Variants in GRIA1 observed in about 807,000 individuals in gnomAD.
The protein encoded by GRIA1 is glutamate ionotropic receptor AMPA type subunit 1.
Under a neutral mutation model 99.2 loss-of-function variants are expected in GRIA1, and 31 were observed. The ratio of observed to expected loss-of-function variants is 0.31; its 90% CI spans 0.23 to 0.42. The LOEUF is 0.42. GRIA1 is among the 10% of genes least tolerant of loss of function. The pLI is 1.00. For missense variants in GRIA1, 782 were observed against 1,157.5 expected (o/e 0.68, Z 4.71); for synonymous variants, 438 against 432.4 (o/e 1.01, Z -0.16).
chr5:153,632,114 A>G (rs1386304893), intron 2 of GRIA1, among the ~76,000 whole-genome samples: 6 of 152,184 alleles, frequency 3.9e-5, no homozygotes, highest in Non-Finnish European at 1.5e-5. Flanking sequence ...TTCCATTTTC[A>G]AAAGAGCTTC....
At chr5:153,632,064 G>A (rs373935015) in intron 2 of GRIA1, among the ~76,000 whole-genome samples, 211 of 152,338 alleles carry the variant, frequency 1.4e-3, no homozygotes, top group African/African-American at 5.0e-3. Context: ...TGATGAGAAA[G>A]CATGAGGGGC....
chr5:153,508,010 A>G (rs1182405538), intron 2 of GRIA1, among the ~76,000 whole-genome samples: 2 of 152,226 alleles, frequency 1.3e-5, no homozygotes, highest in Admixed American at 6.5e-5. Flanking sequence ...GAGATACCGC[A>G]GAAAACAAAA....
intron 2 of GRIA1, among the ~76,000 whole-genome samples, chr5:153,506,094 T>C (rs1208422638): frequency 6.6e-6 from 1 of 152,182 alleles, no homozygotes; most frequent in East Asian, 1.9e-4. Context: ...TTAGGGCAGA[T>C]ACTAGCTTCT....
At chr5:153,579,504 G>C (rs1762862484) in intron 2 of GRIA1, among the ~76,000 whole-genome samples, 1 of 152,166 alleles carries the variant, frequency 6.6e-6, no homozygotes, top group Non-Finnish European at 1.5e-5. Flanking sequence ...ATGGGAGCTT[G>C]TCCTCATTAG....
At chr5:153,579,366 G>A (rs1762848527) in intron 2 of GRIA1, among the ~76,000 whole-genome samples, 1 of 152,204 alleles carries the variant, frequency 6.6e-6, no homozygotes, top group Non-Finnish European at 1.5e-5. Context: ...ACAACAAGCA[G>A]ACTCAAGTGT....
intron 13 of GRIA1, among the ~76,000 whole-genome samples, chr5:153,787,250 T>C (rs893456108): frequency 1.3e-5 from 2 of 152,184 alleles, no homozygotes; most frequent in African/African-American, 4.8e-5. Context: ...ACCAAGTCTT[T>C]CCTCCCCAAG....
At chr5:153,703,230 C>T (rs1758657085) in intron 10 of GRIA1, among the ~76,000 whole-genome samples, 1 of 152,190 alleles carries the variant, frequency 6.6e-6, no homozygotes, top group Non-Finnish European at 1.5e-5. Flanking sequence ...CCTCTTGATG[C>T]TTAGGAAGAT....
intron 2 of GRIA1, among the ~76,000 whole-genome samples, chr5:153,497,983 C>G (rs139934649): frequency 6.6e-6 from 1 of 152,080 alleles, no homozygotes; most frequent in Non-Finnish European, 1.5e-5. Flanking sequence ...TGAGCCTCAA[C>G]GATAAATAGG....
chr5:153,626,979 G>A (rs1278147564), intron 2 of GRIA1, among the ~76,000 whole-genome samples: 4 of 152,068 alleles, frequency 2.6e-5, no homozygotes, highest in East Asian at 3.9e-4. Context: ...AAGCACCTTC[G>A]GTTCTGATAG....
At chr5:153,536,146 T>C (rs1758549158) in intron 2 of GRIA1, among the ~76,000 whole-genome samples, 1 of 152,202 alleles carries the variant, frequency 6.6e-6, no homozygotes, top group Admixed American at 6.6e-5. Flanking sequence ...CCCTAAATTA[T>C]GCCACAAATT....
In GRIA1 at chr5:153,630,226, G is replaced by A. The variant is rs182196218; in HGVS notation, c.221-16702G>A. Among the ~76,000 whole-genome samples, 26 of 151,598 alleles carry A rather than the reference G, an allele frequency of 1.7e-4. 1 individual carries two copies. The highest frequency in any genetic ancestry group is 4.8e-4 in the African/African-American group (20 of 41,402). ...GCTCAGTATATGCAAGCACCTATTA[G>A]TAATTAATGTTAGAAATAATAATGA... is the stretch of plus-strand genomic sequence containing the variant. On this transcript the variant is annotated intron_variant, in intron 2 of 15. Transcript: ENST00000285900.
intron 8 of GRIA1, among the ~76,000 whole-genome samples, chr5:153,686,715 T>A (rs1010459818): frequency 5.3e-5 from 8 of 152,196 alleles, no homozygotes; most frequent in Non-Finnish European, 8.8e-5. Flanking sequence ...AACTATCTCT[T>A]CCTAATCGAT....
At chr5:153,742,991 G>C (rs1761916041) in intron 11 of GRIA1, among the ~76,000 whole-genome samples, 1 of 152,196 alleles carries the variant, frequency 6.6e-6, no homozygotes, top group South Asian at 2.1e-4. Context: ...ACCTTACTTT[G>C]TGGGTGAGGA....
intron 2 of GRIA1, among the ~76,000 whole-genome samples, chr5:153,636,817 T>C (rs576368972): frequency 6.6e-6 from 1 of 152,368 alleles, no homozygotes; most frequent in East Asian, 1.9e-4. Context: ...ATTTGGCACA[T>C]AGTGAGTGCT....
chr5:153,715,840 C>T (rs1445856074), intron 11 of GRIA1, among the ~76,000 whole-genome samples: 1 of 152,144 alleles, frequency 6.6e-6, no homozygotes, highest in Non-Finnish European at 1.5e-5. Context: ...GAATGTCCAT[C>T]TTCACAATAG....
At chr5:153,735,334 G>A (rs1041164494) in intron 11 of GRIA1, among the ~76,000 whole-genome samples, 2 of 152,150 alleles carry the variant, frequency 1.3e-5, no homozygotes, top group African/African-American at 4.8e-5. Flanking sequence ...AGCAATTCCT[G>A]TCCCTTTTAA....
At chr5:153,746,346 A>G (rs1283821734) in intron 11 of GRIA1, among the ~76,000 whole-genome samples, 1 of 152,188 alleles carries the variant, frequency 6.6e-6, no homozygotes, top group South Asian at 2.1e-4. Context: ...GGGATTTTCA[A>G]TGGGTTATTT....
rs1292632926 is a variant in GRIA1 at position 153,674,523 on chromosome 5, C to G, written c.723C>G (p.Asn241Lys). The G allele has an allele frequency of 1.2e-6, 2 of 1,614,006 alleles. No individual in the cohort carries two copies. The highest frequency in any genetic ancestry group is 3.3e-5 in the Admixed American group (2 of 60,002). Residue 241 changes from asparagine to lysine, a missense_variant, in exon 6 of 16, where the codon AAC becomes AAG. Asn to Lys is a moderately conservative substitution (Grantham distance 94). Around this residue, in one of 5 missense-constraint regions of GRIA1, gnomAD observed 461 missense variants for 521.7 expected, o/e 0.88. Coordinates refer to ENST00000285900, the MANE Select transcript of GRIA1 (RefSeq NM_000827.4). ...AGGGCTTCATGGACATTGACTTAAACAAATTCAAGGAGAGTGGCGCCAATG... is the reference window on the plus strand; with the variant it reads ...AGGGCTTCATGGACATTGACTTAAAGAAATTCAAGGAGAGTGGCGCCAATG... ...ANLGFMDIDL[N>K]KFKESGANVT...
chr5:153,740,873 A>G (rs2149573807), intron 11 of GRIA1, among the ~76,000 whole-genome samples: 1 of 152,212 alleles, frequency 6.6e-6, no homozygotes, highest in Middle Eastern at 3.4e-3. Flanking sequence ...TGGTAGGACA[A>G]GAACCTCCAA....
Sources: allele counts gnomAD v4.1 joint callset (sites outside exome capture counted in the v4.1 genomes callset), GRCh38; gene constraint gnomAD v4.1.1; regional missense constraint gnomAD v4.1.1; transcripts MANE v1.5; gene names NCBI Gene and HGNC (gene_info 2026-07-23, HGNC 2026-07-21).